Variants in NELL2 observed in about 807,000 individuals in gnomAD.
The protein encoded by NELL2 is neural EGFL like 2.
NELL2 carries 41 observed loss-of-function variants against 109.6 expected under a neutral mutation model. That is an observed-to-expected ratio of 0.37 (90% CI 0.29 to 0.49). The LOEUF (loss-of-function observed/expected upper bound fraction) is 0.49. Among genes scored for constraint, NELL2 ranks in the 20% least tolerant of loss-of-function variants. The pLI is 0.98. For synonymous variants in NELL2, 355 were observed against 344.7 expected, an observed-to-expected ratio of 1.03 and a Z score of -0.33; for missense variants, 900 against 1,008.3, an observed-to-expected ratio of 0.89 and a Z score of 1.45.
At chr12:44,652,771 T>A (rs1018585427) in intron 13 of NELL2, among the ~76,000 whole-genome samples, 1 of 152,200 alleles carries the variant, frequency 6.6e-6, no homozygotes, top group Non-Finnish European at 1.5e-5. Flanking sequence ...CCAACATACA[T>A]CTACCAGGCT....
chr12:44,899,288 G>A (rs1034961341), intron 1 of NELL2, among the ~76,000 whole-genome samples: 1 of 152,098 alleles, frequency 6.6e-6, no homozygotes, highest in African/African-American at 2.4e-5. Context: ...TCCTCGAGAA[G>A]AGCAACCCAA....
In NELL2 at chr12:44,523,771, T is replaced by G. The variant is rs560314130; in HGVS notation, c.1805-287A>C. The G allele has an allele frequency of 8.2e-4, 305 of 372,378 alleles. 2 individuals carry two copies. Among genetic ancestry groups the G allele is most frequent in the Non-Finnish European group, 1.2e-3 (255 of 204,186 alleles). The allele number at this position is 372,378 out of a possible 1,614,324, so 23.1% of individuals were successfully genotyped here. A position where few individuals can be genotyped will look rare whatever the true frequency, so the allele number is the denominator to read the frequency against. ...AGGCTTTATGAAACATTTTTATTTT[T>G]GAGAGTAAGAATATGACTCAATTTA... On this transcript the variant is annotated intron_variant, in intron 16 of 19. Transcript: ENST00000429094.
intron 15 of NELL2, among the ~76,000 whole-genome samples, chr12:44,589,635 T>A (rs1051670582): frequency 6.6e-6 from 1 of 152,212 alleles, no homozygotes; most frequent in South Asian, 2.1e-4. Context: ...CACCTTGGCC[T>A]CCCAAAGTGC....
intron 8 of NELL2, among the ~76,000 whole-genome samples, 197 bp from the exon 9 acceptor site, chr12:44,775,046 T>C (rs1024189172): frequency 2.6e-5 from 4 of 152,302 alleles, no homozygotes; most frequent in South Asian, 2.1e-4. Flanking sequence ...GCAAGGAATT[T>C]GATTCCTAAA....
rs185652751 is a variant in NELL2 at position 44,776,951 on chromosome 12, C to T, written c.762+91G>A. ...GCAAACAGTATAGTATAAGAAGAGC[C>T]TCGAAGGTGAAAATCTATGGTTATA... On this transcript the variant is annotated intron_variant, in intron 7 of 19. Transcript: ENST00000429094. 1.3e-5 allele frequency: 14 copies of T among 1,105,076 alleles called. No homozygotes were observed. In the East Asian group the frequency reaches 3.4e-4, roughly 26 times the overall value. 68.5% of individuals were successfully genotyped at this position (1,105,076 alleles called of 1,614,324 possible).
intron 2 of NELL2, among the ~76,000 whole-genome samples, chr12:44,820,073 C>G (rs1943488418): frequency 6.6e-6 from 1 of 152,144 alleles, no homozygotes; most frequent in South Asian, 2.1e-4. Flanking sequence ...GAATGTGACA[C>G]AGAGAGTACA....
At chr12:44,832,762 T>G (rs1943926189) in intron 2 of NELL2, among the ~76,000 whole-genome samples, 1 of 152,224 alleles carries the variant, frequency 6.6e-6, no homozygotes, top group Non-Finnish European at 1.5e-5. Context: ...GTGCTTTATA[T>G]TGTTACATAT....
At chr12:44,744,155 A>G (rs566132443) in intron 9 of NELL2, among the ~76,000 whole-genome samples, 14 of 152,256 alleles carry the variant, frequency 9.2e-5, no homozygotes, top group African/African-American at 3.1e-4. Flanking sequence ...CTCACTCAAA[A>G]CCGCTCAACT....
At chr12:44,859,568 C>T (rs1373176778) in intron 2 of NELL2, among the ~76,000 whole-genome samples, 1 of 152,040 alleles carries the variant, frequency 6.6e-6, no homozygotes, top group Admixed American at 6.5e-5. Context: ...AAACAGGAGA[C>T]ATATCACACC....
At chr12:44,631,221 T>A (rs537475500) in intron 13 of NELL2, among the ~76,000 whole-genome samples, 171 of 148,074 alleles carry the variant, frequency 1.2e-3, no homozygotes, top group African/African-American at 4.1e-3. Context: ...AATAATGAAA[T>A]GTATATATAT....
rs117963396 is a variant in NELL2 at position 44,719,056 on chromosome 12, T to C, written c.995-4315A>G. Among the ~76,000 whole-genome samples, 186 of 152,280 alleles carry C rather than the reference T, an allele frequency of 1.2e-3. 3 individuals are homozygous for C. The East Asian group carries it at 0.026, about 22-fold the overall frequency. On this transcript the variant is annotated intron_variant, in intron 9 of 19. Transcript: ENST00000429094. ...TAAACATTACAAACTGGATAGTCAC[T>C]AGCATCATAATTATGATGGAATCCA... is the stretch of plus-strand genomic sequence containing the variant.
intron 1 of NELL2, among the ~76,000 whole-genome samples, chr12:44,919,283 G>T (rs1038678225): frequency 1.3e-5 from 2 of 151,954 alleles, no homozygotes; most frequent in Admixed American, 1.3e-4. Context: ...GTACAATGAA[G>T]ATAAATGGTG....
upstream of NELL2, among the ~76,000 whole-genome samples, chr12:44,918,517 A>ATGTG (rs10589306): frequency 0.056 from 6,890 of 123,618 alleles, 166 homozygotes; most frequent in East Asian, 0.068. Flanking sequence ...GCATGCATGT[A>ATGTG]TGTGTGTGTG....
At chr12:44,824,195 A>G (rs1943630787) in intron 2 of NELL2, among the ~76,000 whole-genome samples, 1 of 152,200 alleles carries the variant, frequency 6.6e-6, no homozygotes, top group Non-Finnish European at 1.5e-5. Flanking sequence ...CTGTTTACAA[A>G]TGTTTCTTCC....
chr12:44,590,898 A>C (rs1036293515), intron 15 of NELL2, among the ~76,000 whole-genome samples: 1 of 139,002 alleles, frequency 7.2e-6, no homozygotes, highest in South Asian at 2.2e-4. Flanking sequence ...CAGAATATAC[A>C]AAAAAAAAAA....
chr12:44,855,952 G>A (rs566377531), intron 2 of NELL2, among the ~76,000 whole-genome samples: 1 of 152,206 alleles, frequency 6.6e-6, no homozygotes, highest in East Asian at 1.9e-4. Flanking sequence ...TTGATTTTTA[G>A]AAAGAGCTCT....
chr12:44,695,203 G>A (rs1319699070), intron 12 of NELL2, among the ~76,000 whole-genome samples: 1 of 151,318 alleles, frequency 6.6e-6, no homozygotes, highest in Non-Finnish European at 1.5e-5. Context: ...AGAAAATGCT[G>A]GAGCAAAGGA....
upstream of NELL2, chr12:44,876,913 C>G (rs1276858121): frequency 3.2e-6 from 4 of 1,242,810 alleles, no homozygotes; most frequent in African/African-American, 1.5e-5. Flanking sequence ...GGTTCCCTGC[C>G]GGGGGCGGGG....
At chr12:44,761,292 C>T (rs964136214) in intron 9 of NELL2, among the ~76,000 whole-genome samples, 1 of 152,098 alleles carries the variant, frequency 6.6e-6, no homozygotes, top group African/African-American at 2.4e-5. Context: ...TGCTTGAACC[C>T]GGGAGGCGGA....
Sources: gnomAD v4.1 joint callset for allele counts (sites outside exome capture counted in the v4.1 genomes callset) on GRCh38, gnomAD v4.1.1 for gene constraint, MANE v1.5 for transcripts, NCBI Gene and HGNC (gene_info 2026-07-23, HGNC 2026-07-21) for gene names.